The following FRMD6 variants were observed in gnomAD, a reference collection of about 807,000 sequenced individuals.
The protein encoded by FRMD6 is FERM domain-containing protein 6.
A neutral mutation model predicts 73.2 loss-of-function variants in FRMD6; 37 were observed. That is an observed-to-expected ratio of 0.51 (90% CI 0.39 to 0.66). The LOEUF is 0.66. Ranked by LOEUF, FRMD6 falls within the 30% of genes least tolerant of loss-of-function variation. The pLI, the probability that FRMD6 is intolerant of heterozygous loss-of-function variation, is 0.00. For synonymous variants in FRMD6, 273 were observed against 282.2 expected (o/e 0.97, Z 0.33); for missense variants, 714 against 780.5 (o/e 0.91, Z 1.02).
intron 2 of FRMD6, 133 bp downstream of exon 2, chr14:51,690,068 A>G (rs1370828843): frequency 7.2e-6 from 5 of 691,462 alleles, no homozygotes; most frequent in African/African-American, 1.8e-5. Context: ...TGGGTTGTCA[A>G]ATAGTCCATA....
intron 1 of FRMD6, chr14:51,546,721 A>G (rs1261004554): frequency 6.6e-6 from 1 of 152,140 alleles, no homozygotes; most frequent in Non-Finnish European, 1.5e-5. Context: ...TCATGTATAC[A>G]TGTAGAGCTA....
In FRMD6 at chr14:51,715,510, G is replaced by A. The variant is rs1566591551; in HGVS notation, c.1024+11G>A. On this transcript the variant is annotated intron_variant, in intron 10 of 13. Transcript: ENST00000344768. ...TGGAGGAAAACGAAGGTATTGCAGGGTCTGGGGTGTGGAAGCAAATTGTAC... is the reference window on the plus strand; with the variant it reads ...TGGAGGAAAACGAAGGTATTGCAGGATCTGGGGTGTGGAAGCAAATTGTAC... 2 of 1,584,846 alleles carry A rather than the reference G, an allele frequency of 1.3e-6. No homozygotes were observed. Among genetic ancestry groups the A allele is most frequent in the South Asian group, 1.1e-5 (1 of 87,200 alleles).
intron 2 of FRMD6, among the ~76,000 whole-genome samples, chr14:51,611,960 CAAATATG>C (rs1890526695): frequency 6.6e-6 from 1 of 151,718 alleles, no homozygotes; most frequent in South Asian, 2.1e-4. Context: ...TATATGATCA[CAAATATG>C]TCAAAGAAAA....
chr14:51,486,137 T>C (rs1015146381), upstream of FRMD6, among the ~76,000 whole-genome samples: 3 of 151,686 alleles, frequency 2.0e-5, no homozygotes, highest in Non-Finnish European at 4.4e-5. Flanking sequence ...CGGGTTCACG[T>C]CATTCTCCTG....
At chr14:51,657,935 A>G (rs1429648032) in intron 1 of FRMD6, among the ~76,000 whole-genome samples, 4 of 152,168 alleles carry the variant, frequency 2.6e-5, no homozygotes, top group Admixed American at 1.3e-4. Context: ...AATGATTCAT[A>G]CAGAGTCTCA....
chr14:51,682,166 A>G, intron 1 of FRMD6, among the ~76,000 whole-genome samples: 1 of 152,102 alleles, frequency 6.6e-6, no homozygotes, highest in East Asian at 1.9e-4. Context: ...ATTTTGAATT[A>G]TTTTCTACTT....
the FRMD6 span, among the ~76,000 whole-genome samples, chr14:51,445,186 T>C: frequency 6.6e-6 from 1 of 152,180 alleles, no homozygotes; most frequent in Non-Finnish European, 1.5e-5. Context: ...TGGTTCCTTC[T>C]GTAGGTCCTG....
chr14:51,673,237 C>T (rs11848356), intron 1 of FRMD6, among the ~76,000 whole-genome samples: 31 of 151,786 alleles, frequency 2.0e-4, no homozygotes, highest in Non-Finnish European at 4.1e-4. Flanking sequence ...TATTGCTTGT[C>T]GAAGATTCTT....
chr14:51,713,358 T>C (rs1897053993), intron 9 of FRMD6, among the ~76,000 whole-genome samples: 1 of 151,246 alleles, frequency 6.6e-6, no homozygotes, highest in African/African-American at 2.4e-5. Flanking sequence ...CTCAGGAGGC[T>C]GAGGCATGGG....
At chr14:51,671,936 A>C (rs1894038378) in intron 1 of FRMD6, among the ~76,000 whole-genome samples, 1 of 152,232 alleles carries the variant, frequency 6.6e-6, no homozygotes, top group Non-Finnish European at 1.5e-5. Context: ...TGAAAAATTT[A>C]ATTCGAGCAA....
chr14:51,425,263 C>T, the FRMD6 span, among the ~76,000 whole-genome samples: 1 of 152,314 alleles, frequency 6.6e-6, no homozygotes, highest in Admixed American at 6.5e-5. Context: ...CCTTGAGCCC[C>T]TGAAGGGCTC....
chr14:51,718,944 T>G (rs1414556527), intron 10 of FRMD6, among the ~76,000 whole-genome samples: 1 of 152,202 alleles, frequency 6.6e-6, no homozygotes, highest in Non-Finnish European at 1.5e-5. Flanking sequence ...GTATTTTCAC[T>G]TAACCAAGAA....
At chr14:51,468,046 C>T in the FRMD6 span, among the ~76,000 whole-genome samples, 3 of 152,042 alleles carry the variant, frequency 2.0e-5, no homozygotes, top group Admixed American at 6.6e-5. Flanking sequence ...CCCGGCACCT[C>T]GGGAGGCCTA....
the FRMD6 span, among the ~76,000 whole-genome samples, chr14:51,429,790 C>T: frequency 2.6e-3 from 401 of 152,292 alleles, 4 homozygotes; most frequent in African/African-American, 9.0e-3. Flanking sequence ...TTACTTGTCT[C>T]TCAGTTCCCT....
At chr14:51,452,167 G>A in the FRMD6 span, among the ~76,000 whole-genome samples, 12 of 152,242 alleles carry the variant, frequency 7.9e-5, no homozygotes, top group East Asian at 1.9e-4. Context: ...GAGCATGAGC[G>A]AGGGTTGGAA....
At chr14:51,513,532 G>C (rs1015418460) in intron 1 of FRMD6, among the ~76,000 whole-genome samples, 3 of 152,310 alleles carry the variant, frequency 2.0e-5, no homozygotes, top group Admixed American at 2.0e-4. Context: ...TCAAAGTCTG[G>C]ATGGCAGAGC....
At chr14:51,434,535 G>GGATTAGACTCAAAATAAC in the FRMD6 span, among the ~76,000 whole-genome samples, 1 of 34,200 alleles carries the variant, frequency 2.9e-5, no homozygotes, top group East Asian at 9.5e-4. Context: ...ATTGTAATAA[G>GGATTAGACTCAAAATAAC]TATCTATGGC....
At chr14:51,436,962 AAC>A in the FRMD6 span, 1 of 937,278 alleles carries the variant, frequency 1.1e-6, no homozygotes, top group East Asian at 3.1e-5. Context: ...GAAGATGACT[AAC>A]AGAACACTGA....
chr14:51,524,187 C>T (rs934784218), intron 1 of FRMD6, among the ~76,000 whole-genome samples: 8 of 152,186 alleles, frequency 5.3e-5, no homozygotes, highest in Non-Finnish European at 7.3e-5. Context: ...AATCTTGCCT[C>T]TCCCCTTTAC....
Sources: gnomAD v4.1 joint callset for allele counts (sites outside exome capture counted in the v4.1 genomes callset) on GRCh38, gnomAD v4.1.1 for gene constraint, MANE v1.5 for transcripts, NCBI Gene and HGNC (gene_info 2026-07-23, HGNC 2026-07-21) for gene names.